LRRC49: variants seen among roughly 807,000 people sequenced by gnomAD.
LRRC49 encodes leucine-rich repeat-containing protein 49.
A neutral mutation model predicts 83.3 loss-of-function variants in LRRC49; 50 were observed. The observed-to-expected ratio is 0.60, with a 90% CI of 0.48 to 0.76. The LOEUF (loss-of-function observed/expected upper bound fraction) is 0.76, where lower values mean the gene tolerates loss of function less well. Among genes scored for constraint, LRRC49 ranks in the 30% least tolerant of loss-of-function variants. The pLI is 0.00. For synonymous variants in LRRC49, 286 were observed against 283.3 expected (o/e 1.01, Z -0.10); for missense variants, 704 against 809.1 (o/e 0.87, Z 1.58).
chr15:70,885,745 T>C (rs917759026), intron 2 of LRRC49, among the ~76,000 whole-genome samples: 4 of 152,314 alleles, frequency 2.6e-5, no homozygotes, highest in African/African-American at 9.6e-5. Flanking sequence ...AATTTGAAGA[T>C]TAATATGTAA....
At position 70,858,714 on chromosome 15, in the gene LRRC49, T is replaced by C. The variant is rs2032711789; in HGVS notation, c.-299+5245T>C. 8.4e-6 allele frequency: 8 copies of C among 955,968 alleles called. No individual in the cohort carries two copies. The Admixed American group carries it at 1.5e-4, about 18-fold the overall frequency. The allele number at this position is 955,968 out of a possible 1,614,324, so 59.2% of individuals were successfully genotyped here. ...CCTGCCTCCACTCCTGCCTCCACCA[T>C]GTCCATCAGGGTGACCCAGAAGTCC... On this transcript the variant is annotated intron_variant, in intron 1 of 16. Transcript: ENST00000544974.
intron 10 of LRRC49, among the ~76,000 whole-genome samples, chr15:70,983,638 C>T (rs368676733): frequency 6.6e-6 from 1 of 151,992 alleles, no homozygotes; most frequent in Non-Finnish European, 1.5e-5. Flanking sequence ...CCCTTCCCCC[C>T]CTCCAAGATT....
intron 2 of LRRC49, among the ~76,000 whole-genome samples, chr15:70,876,420 G>T (rs1313294728): frequency 6.6e-6 from 1 of 151,984 alleles, no homozygotes; most frequent in Non-Finnish European, 1.5e-5. Context: ...TTAGTAAACA[G>T]TCACAACACA....
At chr15:70,978,807 G>T (rs1255762847) in intron 9 of LRRC49, among the ~76,000 whole-genome samples, 1 of 152,132 alleles carries the variant, frequency 6.6e-6, no homozygotes, top group Non-Finnish European at 1.5e-5. Flanking sequence ...CTATGATAGA[G>T]AAGTATGTAG....
intron 11 of LRRC49, among the ~76,000 whole-genome samples, chr15:71,006,858 A>G (rs1232727593): frequency 1.3e-5 from 2 of 152,088 alleles, no homozygotes; most frequent in Admixed American, 6.5e-5. Flanking sequence ...TATTGATTAT[A>G]TAAGCAACCT....
In LRRC49 at chr15:70,925,697, T is replaced by G. The variant is rs188463412; in HGVS notation, c.711+6504T>G. On this transcript the variant is annotated intron_variant, in intron 7 of 15. Coordinates refer to ENST00000260382, the MANE Select transcript of LRRC49 (RefSeq NM_017691.5). ...AATGGAACACACTTTTAGGATATAC[T>G]GCATCATCAATGTTCTTAATGGCAT... Among the ~76,000 whole-genome samples, 386 of 152,282 alleles carry G rather than the reference T, an allele frequency of 2.5e-3. 5 individuals are homozygous for G. The highest frequency in any genetic ancestry group is 9.0e-3 in the African/African-American group (376 of 41,566).
rs777400092 is a variant in LRRC49, at chr15:70,901,033, A to G, written c.296+9A>G. 1.9e-6 allele frequency: 3 copies of G among 1,546,636 alleles called. No individual in the cohort carries two copies. The highest frequency in any genetic ancestry group is 1.2e-5 in the South Asian group (1 of 85,846). On this transcript the variant is annotated intron_variant, in intron 4 of 15. Coordinates refer to ENST00000260382, the MANE Select transcript of LRRC49 (RefSeq NM_017691.5). The stretch of plus-strand genomic sequence containing the variant: ...AGGTTGAGCCTAGAAAGGTGAGGAC[A>G]ATTTCTTTTCTTTTCTTTTTTTTGA...
chr15:71,032,053 C>A (rs2039374143), intron 14 of LRRC49, among the ~76,000 whole-genome samples: 1 of 152,124 alleles, frequency 6.6e-6, no homozygotes. Flanking sequence ...AAAAAATACT[C>A]CTAAAGCTAG....
chr15:70,964,284 G>T (rs1596074141), intron 9 of LRRC49, among the ~76,000 whole-genome samples: 1 of 152,076 alleles, frequency 6.6e-6, no homozygotes, highest in Non-Finnish European at 1.5e-5. Flanking sequence ...GATTGCCTGC[G>T]TCTGAATTCT....
intron 15 of LRRC49, among the ~76,000 whole-genome samples, chr15:71,045,314 C>T (rs1388249681): frequency 2.6e-5 from 4 of 152,184 alleles, no homozygotes; most frequent in African/African-American, 7.2e-5. Flanking sequence ...AACATCCATA[C>T]GTCCAAAACC....
At chr15:70,878,300 T>G (rs965582210) in intron 2 of LRRC49, among the ~76,000 whole-genome samples, 1 of 152,232 alleles carries the variant, frequency 6.6e-6, no homozygotes, top group African/African-American at 2.4e-5. Context: ...ACTGATTTAT[T>G]GGTTCTAGTA....
intron 15 of LRRC49, among the ~76,000 whole-genome samples, chr15:71,040,874 G>A (rs895277598): frequency 2.0e-5 from 3 of 151,122 alleles, no homozygotes; most frequent in Non-Finnish European, 4.4e-5. Flanking sequence ...TTTTCTGTTG[G>A]TCTTAAAGAA....
intron 8 of LRRC49, among the ~76,000 whole-genome samples, chr15:70,941,383 CA>C (rs2035807810): frequency 6.6e-6 from 1 of 150,564 alleles, no homozygotes; most frequent in Admixed American, 6.6e-5. Context: ...TTTTAGAGAT[CA>C]AAAGCAAAAA....
At chr15:70,961,815 C>T (rs1274721826) in intron 8 of LRRC49, among the ~76,000 whole-genome samples, 1 of 152,130 alleles carries the variant, frequency 6.6e-6, no homozygotes, top group African/African-American at 2.4e-5. Context: ...CTCTAAGATA[C>T]TTTAATGGTG....
At position 70,860,354 on chromosome 15, in the gene LRRC49, A is replaced by G. The variant is rs537686632; in HGVS notation, c.-299+6885A>G. 2.6e-5 allele frequency among the ~76,000 whole-genome samples: 4 copies of G among 152,270 alleles called. No individual in the cohort carries two copies. The South Asian group carries it at 6.2e-4, about 24-fold the overall frequency. ...ATGCCTCCAGCTACAAAACAATTCAATTGCTTTTTAAATAAAACCTCAGCT... is the reference window on the plus strand; with the variant it reads ...ATGCCTCCAGCTACAAAACAATTCAGTTGCTTTTTAAATAAAACCTCAGCT... On this transcript the variant is annotated intron_variant, in intron 1 of 16. Coordinates refer to the LRRC49 transcript ENST00000544974.
At chr15:70,970,690 A>G (rs901340798) in intron 9 of LRRC49, among the ~76,000 whole-genome samples, 1 of 152,130 alleles carries the variant, frequency 6.6e-6, no homozygotes, top group Admixed American at 6.5e-5. Context: ...CAGGGATTCA[A>G]CTTCTTCATG....
At chr15:70,960,030 G>A (rs767240381) in intron 8 of LRRC49, among the ~76,000 whole-genome samples, 10 of 152,198 alleles carry the variant, frequency 6.6e-5, no homozygotes, top group Non-Finnish European at 1.3e-4. Context: ...TTAGTTTAGA[G>A]TCCAGTTTTT....
At chr15:70,982,840 C>T (rs1309519736) in intron 10 of LRRC49, among the ~76,000 whole-genome samples, 6 of 152,166 alleles carry the variant, frequency 3.9e-5, no homozygotes, top group African/African-American at 1.4e-4. Context: ...ATTAAGCAAG[C>T]CATATCACTT....
chr15:70,947,819 T>G (rs150624028), intron 8 of LRRC49, among the ~76,000 whole-genome samples: 4 of 152,210 alleles, frequency 2.6e-5, no homozygotes, highest in African/African-American at 7.2e-5. Flanking sequence ...AGGTGCCCAC[T>G]TGGAATGAAT....
Sources: allele counts gnomAD v4.1 joint callset (sites outside exome capture counted in the v4.1 genomes callset), GRCh38; gene constraint gnomAD v4.1.1; transcripts MANE v1.5; gene names NCBI Gene and HGNC (gene_info 2026-07-23, HGNC 2026-07-21).